UBE2K: variants seen among roughly 807,000 people sequenced by gnomAD.
The protein encoded by UBE2K is ubiquitin conjugating enzyme E2 K.
UBE2K carries 6 observed loss-of-function variants against 30.0 expected under a neutral mutation model. That is an observed-to-expected ratio of 0.20 (90% CI 0.11 to 0.39). The LOEUF is 0.39. Among genes scored for constraint, UBE2K ranks in the 10% least tolerant of loss-of-function variants. The pLI is 1.00. For missense variants in UBE2K, 61 were observed against 241.6 expected (o/e 0.25, Z 4.96); for synonymous variants, 86 against 83.7 (o/e 1.03, Z -0.15).
intron 2 of UBE2K, among the ~76,000 whole-genome samples, chr4:39,739,341 CTT>C (rs1464920400): frequency 6.7e-6 from 1 of 149,708 alleles, no homozygotes; most frequent in African/African-American, 2.5e-5. Flanking sequence ...ACCCAAAACA[CTT>C]TTTAAAAATC....
At chr4:39,751,109 G>GT (rs538025828) in intron 3 of UBE2K, among the ~76,000 whole-genome samples, 139 of 133,366 alleles carry the variant, frequency 1.0e-3, no homozygotes, top group South Asian at 6.3e-3. Context: ...TTTTCTTCTT[G>GT]TTTTTTTTTT....
chr4:39,757,073 T>G (rs1382298543), intron 4 of UBE2K, among the ~76,000 whole-genome samples: 2 of 144,324 alleles, frequency 1.4e-5, no homozygotes, highest in African/African-American at 2.5e-5. Context: ...TCACCCAGGC[T>G]GGAGTGCAGT....
At chr4:39,756,998 G>GT (rs767927535) in intron 4 of UBE2K, among the ~76,000 whole-genome samples, 1 of 132,384 alleles carries the variant, frequency 7.6e-6, no homozygotes, top group African/African-American at 2.7e-5. Context: ...GTTTTTTTGG[G>GT]TGTTTTTTTT....
rs1713579925 is a variant in UBE2K at position 39,781,008 on chromosome 4, G to GT, written c.*2575dup. On this transcript the variant is annotated 3_prime_UTR_variant, in exon 7 of 7. Coordinates refer to ENST00000261427, the MANE Select transcript of UBE2K (RefSeq NM_005339.5). ...TTTGTTAGAAGTCACTGATGCTCCAGTAGGCTTTTGTTATAATCAGGCCTG... is the reference window on the plus strand; with the variant it reads ...TTTGTTAGAAGTCACTGATGCTCCAGTTAGGCTTTTGTTATAATCAGGCCTG... 6.6e-6 allele frequency: 1 copy of GT among 152,098 alleles called. No homozygotes were observed. Among genetic ancestry groups the GT allele is most frequent in the Non-Finnish European group, 1.5e-5 (1 of 67,992 alleles). 9.4% of individuals were successfully genotyped at this position (152,098 alleles called of 1,614,324 possible).
intron 1 of UBE2K, among the ~76,000 whole-genome samples, chr4:39,718,920 C>T (rs992723084): frequency 6.6e-6 from 1 of 152,256 alleles, no homozygotes; most frequent in African/African-American, 2.4e-5. Flanking sequence ...GAGCTGGCTC[C>T]GGCCTCGGCC....
intron 1 of UBE2K, among the ~76,000 whole-genome samples, chr4:39,718,185 G>C (rs556982790): frequency 6.6e-6 from 1 of 152,248 alleles, no homozygotes; most frequent in South Asian, 2.1e-4. Context: ...TTTACAGAGA[G>C]TTGATTGGTC....
intron 1 of UBE2K, among the ~76,000 whole-genome samples, 187 bp from the exon 2 acceptor site, chr4:39,737,233 A>G (rs572169753): frequency 3.2e-4 from 48 of 152,210 alleles, no homozygotes; most frequent in Non-Finnish European, 5.7e-4. Flanking sequence ...CAATGAAGTT[A>G]GAATTTATTA....
intron 1 of UBE2K, among the ~76,000 whole-genome samples, chr4:39,737,049 A>C (rs1720417986): frequency 6.6e-6 from 1 of 152,228 alleles, no homozygotes; most frequent in South Asian, 2.1e-4. Flanking sequence ...GGTATAGTGC[A>C]GAATATAATA....
chr4:39,704,443 T>A (rs1181710921), intron 1 of UBE2K, among the ~76,000 whole-genome samples: 1 of 152,034 alleles, frequency 6.6e-6, no homozygotes, highest in Non-Finnish European at 1.5e-5. Flanking sequence ...GCAGGTAATA[T>A]GTTTGGGGTG....
chr4:39,699,439 G>A (rs1236992692), intron 1 of UBE2K, among the ~76,000 whole-genome samples: 1 of 152,122 alleles, frequency 6.6e-6, no homozygotes, highest in East Asian at 1.9e-4. Flanking sequence ...TTGCTCTTAA[G>A]TCCTGCAGAA....
At position 39,704,940 on chromosome 4, in the gene UBE2K, G is replaced by A. The variant is rs953216710; in HGVS notation, c.63+6550G>A. Among the ~76,000 whole-genome samples the A allele has an allele frequency of 1.3e-4, 20 of 148,414 alleles. 1 individual carries two copies. The highest frequency in any genetic ancestry group is 2.8e-4 in the Non-Finnish European group (19 of 67,578). On this transcript the variant is annotated intron_variant, in intron 1 of 6. Transcript: ENST00000261427. ...AGGCTGGAGTGCAATGCGCCATCTC[G>A]GCTCACCGCAACCTCCGCCTCCCGG...
chr4:39,771,360 G>C, intron 4 of UBE2K: 1 of 1,612,798 alleles, frequency 6.2e-7, no homozygotes, highest in Non-Finnish European at 8.5e-7. Context: ...CCTCTGCCCG[G>C]AGCTTGTTCA....
rs1168820129 is a variant in UBE2K at position 39,714,548 on chromosome 4, A to ATTTTTTTTTTTTTTTT, written c.63+16159_63+16160insTTTTTTTTTTTTTTTT. ...TATATATATATATATATATATATAT[A>ATTTTTTTTTTTTTTTT]TATTTTTTTTTTTTTTTAAGACTGA... is the stretch of plus-strand genomic sequence containing the variant. On this transcript the variant is annotated intron_variant, in intron 1 of 6. Transcript: ENST00000261427. 39 of 24,666 alleles carry ATTTTTTTTTTTTTTTT rather than the reference A, an allele frequency of 1.6e-3. 2 individuals are homozygous for ATTTTTTTTTTTTTTTT. Among genetic ancestry groups the ATTTTTTTTTTTTTTTT allele is most frequent in the Admixed American group, 2.9e-3 (3 of 1,050 alleles). The allele number at this position is 24,666 out of a possible 1,614,324, so 1.5% of individuals were successfully genotyped here.
intron 6 of UBE2K, among the ~76,000 whole-genome samples, chr4:39,778,027 G>A (rs187792200): frequency 6.2e-5 from 9 of 145,326 alleles, no homozygotes; most frequent in Middle Eastern, 3.7e-3. Flanking sequence ...GGGCCCAGGA[G>A]GTCGAGGCTG....
At chr4:39,740,363 T>C (rs1017407115) in intron 2 of UBE2K, among the ~76,000 whole-genome samples, 7 of 152,088 alleles carry the variant, frequency 4.6e-5, no homozygotes, top group Non-Finnish European at 8.8e-5. Context: ...TGTATACTTA[T>C]ATACATTAAG....
chr4:39,737,656 A>G (rs765898622), intron 2 of UBE2K, 143 bp downstream of exon 2: 1 of 550,322 alleles, frequency 1.8e-6, no homozygotes, highest in Non-Finnish European at 3.1e-6. Flanking sequence ...AAAATACTAA[A>G]TTTAGATACT....
intron 4 of UBE2K, among the ~76,000 whole-genome samples, chr4:39,758,612 A>C (rs1711652109): frequency 6.6e-6 from 1 of 152,114 alleles, no homozygotes; most frequent in Non-Finnish European, 1.5e-5. Context: ...TGGGAGGCGG[A>C]AGTTGCAGTT....
At chr4:39,734,441 A>T (rs942364350) in intron 1 of UBE2K, among the ~76,000 whole-genome samples, 8 of 151,936 alleles carry the variant, frequency 5.3e-5, no homozygotes, top group African/African-American at 1.9e-4. Context: ...TATTTAGTAC[A>T]TTTTTTCATA....
intron 1 of UBE2K, among the ~76,000 whole-genome samples, chr4:39,733,030 G>GA (rs1399893332): frequency 8.5e-6 from 1 of 117,626 alleles, no homozygotes. Flanking sequence ...GAAATGCCTT[G>GA]AAGCCCCCAG....
Sources: allele counts gnomAD v4.1 joint callset (sites outside exome capture counted in the v4.1 genomes callset), GRCh38; gene constraint gnomAD v4.1.1; transcripts MANE v1.5; gene names NCBI Gene and HGNC (gene_info 2026-07-23, HGNC 2026-07-21).